PAX3: variants seen among roughly 807,000 people sequenced by gnomAD.
PAX3 encodes the protein paired box protein Pax-3.
In PAX3, 14 loss-of-function variants were observed where a neutral mutation model predicts 51.6. The ratio of observed to expected loss-of-function variants is 0.27; its 90% CI spans 0.18 to 0.42. PAX3 has a LOEUF of 0.42. Among genes scored for constraint, PAX3 ranks in the 10% least tolerant of loss-of-function variants. The probability of loss-of-function intolerance (pLI) is 1.00; values close to 1 mark genes in which losing one functional copy is unlikely to be tolerated. For synonymous variants in PAX3, 280 were observed against 253.4 expected (o/e 1.11, Z -1.00); for missense variants, 540 against 642.8 (o/e 0.84, Z 1.73).
Position 222,202,032 on chromosome 2 carries a change from T to C in PAX3, c.1332A>G (p.Thr444=). ...DHMKSLDSLP[T]SQSYCPPTYS... ...AGGTGGGTGGACAGTAGGACTGAGA[T>C]GTTGGCAGACTGTCCAAGCTCTTCA... The change falls in exon 8 of 9, where the codon ACA becomes ACG. Residue 444 remains threonine (T), a synonymous_variant. Coordinates refer to ENST00000392070, the MANE Select transcript of PAX3 (RefSeq NM_181458.4). 1 of 1,614,024 alleles carries C rather than the reference T, an allele frequency of 6.2e-7. No individual in the cohort carries two copies. The highest frequency in any genetic ancestry group is 8.5e-7 in the Non-Finnish European group (1 of 1,180,000).
At chr2:222,219,771 T>C (rs1300007251) in intron 7 of PAX3, among the ~76,000 whole-genome samples, 1 of 152,126 alleles carries the variant, frequency 6.6e-6, no homozygotes, top group Non-Finnish European at 1.5e-5. Flanking sequence ...TGAAACCTTA[T>C]CAATTTTAAA....
chr2:222,239,879 G>T (rs571188173), intron 4 of PAX3, among the ~76,000 whole-genome samples: 13 of 151,912 alleles, frequency 8.6e-5, no homozygotes, highest in Admixed American at 2.0e-4. Flanking sequence ...TTGAGCAAAG[G>T]TTCTTTCAAG....
intron 5 of PAX3, among the ~76,000 whole-genome samples, chr2:222,227,829 T>C (rs1692443187): frequency 1.3e-5 from 2 of 152,062 alleles, no homozygotes; most frequent in Non-Finnish European, 2.9e-5. Flanking sequence ...TATGATAAAC[T>C]CAACACAGCT....
At chr2:222,272,558 CAACT>C (rs1344804450) in intron 4 of PAX3, among the ~76,000 whole-genome samples, 1 of 152,154 alleles carries the variant, frequency 6.6e-6, no homozygotes, top group East Asian at 1.9e-4. Context: ...CATGTTTAAC[CAACT>C]GTTTTTAATT....
chr2:222,236,656 A>G (rs189453481), intron 4 of PAX3, among the ~76,000 whole-genome samples: 1 of 152,320 alleles, frequency 6.6e-6, no homozygotes, highest in Non-Finnish European at 1.5e-5. Context: ...GAAACCACAA[A>G]TGTGTTAGCA....
intron 4 of PAX3, among the ~76,000 whole-genome samples, chr2:222,236,265 T>C (rs1325350563): frequency 6.6e-6 from 1 of 152,208 alleles, no homozygotes; most frequent in Non-Finnish European, 1.5e-5. Context: ...TTTTTGTTTG[T>C]TTGTTTGTTT....
chr2:222,265,695 A>AAGGAAGG (rs1553583582), intron 4 of PAX3, among the ~76,000 whole-genome samples: 4 of 41,942 alleles, frequency 9.5e-5, no homozygotes, highest in African/African-American at 1.5e-4. Flanking sequence ...AGGAAGGGAG[A>AAGGAAGG]AAGATTGATT....
chr2:222,255,860 C>T (rs7602045), intron 4 of PAX3, among the ~76,000 whole-genome samples: 28,343 of 146,176 alleles, frequency 0.19, 3,396 homozygotes, highest in East Asian at 0.38. Context: ...TGGCCATTCT[C>T]CTGCCTCAGC....
intron 4 of PAX3, among the ~76,000 whole-genome samples, chr2:222,269,688 A>G (rs914690745): frequency 1.3e-5 from 2 of 152,132 alleles, no homozygotes; most frequent in African/African-American, 2.4e-5. Flanking sequence ...TTAATCAGCA[A>G]ATCCCTTCAC....
intron 4 of PAX3, among the ~76,000 whole-genome samples, chr2:222,261,457 T>C (rs551672017): frequency 2.6e-5 from 4 of 152,228 alleles, no homozygotes; most frequent in African/African-American, 9.6e-5. Flanking sequence ...CAACACAGCA[T>C]TCAAAGTTCA....
rs542300442 is a variant in PAX3, at chr2:222,266,913, T to C, written c.586+27254A>G. 4.7e-4 allele frequency among the ~76,000 whole-genome samples: 72 copies of C among 152,348 alleles called. 1 individual carries two copies. The South Asian group carries it at 0.014, about 31-fold the overall frequency. On this transcript the variant is annotated intron_variant, in intron 4 of 8. Transcript: ENST00000392070. ...TGCAACCTATGAAATCACATGGCAT[T>C]GAACCTGTATACAGCAGGCGCTACA...
At chr2:222,244,655 G>A (rs1177136708) in intron 4 of PAX3, among the ~76,000 whole-genome samples, 1 of 148,594 alleles carries the variant, frequency 6.7e-6, no homozygotes, top group East Asian at 2.0e-4. Flanking sequence ...CCCAGAATGT[G>A]TACAATAAGC....
intron 4 of PAX3, among the ~76,000 whole-genome samples, chr2:222,285,671 A>C (rs772435819): frequency 6.6e-6 from 1 of 152,242 alleles, no homozygotes; most frequent in Non-Finnish European, 1.5e-5. Context: ...CTTTCTTAAT[A>C]TTCTACCCTA....
intron 4 of PAX3, 28 bp from the exon 5 acceptor site, chr2:222,232,311 T>G (rs756995964): frequency 2.4e-5 from 39 of 1,593,716 alleles, no homozygotes; most frequent in Non-Finnish European, 3.2e-5. Flanking sequence ...CAAAACATCA[T>G]AAAATGTGAA....
At chr2:222,298,401 C>T (rs1695420730) in intron 1 of PAX3, 130 bp downstream of exon 1, 2 of 725,012 alleles carry the variant, frequency 2.8e-6, no homozygotes, top group African/African-American at 3.5e-5. Context: ...ACTGGTGCTT[C>T]TTGGGGTGTG....
At chr2:222,220,928 C>G (rs13353354) in intron 6 of PAX3, among the ~76,000 whole-genome samples, 2 of 152,038 alleles carry the variant, frequency 1.3e-5, no homozygotes, top group Non-Finnish European at 2.9e-5. Context: ...TGGAGTAAAA[C>G]GTAGAGGTAA....
intron 4 of PAX3, among the ~76,000 whole-genome samples, chr2:222,236,352 C>G (rs903901273): frequency 3.9e-5 from 6 of 152,114 alleles, no homozygotes; most frequent in African/African-American, 1.4e-4. Flanking sequence ...CCCCAGCCTC[C>G]CAAATAGCTG....
intron 4 of PAX3, among the ~76,000 whole-genome samples, chr2:222,271,502 G>C (rs1245112515): frequency 1.3e-5 from 2 of 152,106 alleles, no homozygotes; most frequent in Non-Finnish European, 2.9e-5. Flanking sequence ...CAGTTGTCTA[G>C]GGCTTTGCAC....
At chr2:222,268,034 T>C (rs1694113386) in intron 4 of PAX3, among the ~76,000 whole-genome samples, 1 of 152,200 alleles carries the variant, frequency 6.6e-6, no homozygotes. Context: ...CTACATTCTG[T>C]AACAGTATGT....
Sources: gnomAD v4.1 joint callset for allele counts (sites outside exome capture counted in the v4.1 genomes callset) on GRCh38, gnomAD v4.1.1 for gene constraint, MANE v1.5 for transcripts, NCBI Gene and HGNC (gene_info 2026-07-23, HGNC 2026-07-21) for gene names.